Variants in UVRAG observed in about 807,000 individuals in gnomAD.
UVRAG encodes UV radiation resistance associated, also known as UV radiation resistance-associated gene protein.
In UVRAG, 19 loss-of-function variants were observed where a neutral mutation model predicts 78.0. That is an observed-to-expected ratio of 0.24 (90% CI 0.17 to 0.36). The LOEUF (loss-of-function observed/expected upper bound fraction) is 0.36. UVRAG is among the 10% of genes least tolerant of loss of function. UVRAG has a pLI of 1.00. For synonymous variants in UVRAG, 323 were observed against 324.6 expected, an observed-to-expected ratio of 1.00 and a Z score of 0.05; for missense variants, 740 against 853.8, an observed-to-expected ratio of 0.87 and a Z score of 1.66.
chr11:76,135,893 C>T (rs1252524606), intron 14 of UVRAG, among the ~76,000 whole-genome samples: 1 of 152,232 alleles, frequency 6.6e-6, no homozygotes, highest in East Asian at 1.9e-4. Flanking sequence ...AAAACACACA[C>T]ATTTTTGCTT....
intron 12 of UVRAG, among the ~76,000 whole-genome samples, chr11:76,047,172 C>A (rs1950774293): frequency 6.6e-6 from 1 of 152,158 alleles, no homozygotes; most frequent in Non-Finnish European, 1.5e-5. Flanking sequence ...ATACTGATAT[C>A]TCATAGAAGC....
intron 1 of UVRAG, among the ~76,000 whole-genome samples, chr11:75,829,137 C>T (rs1305852796): frequency 2.0e-5 from 3 of 152,056 alleles, no homozygotes; most frequent in Non-Finnish European, 4.4e-5. Flanking sequence ...AGCGGCTATT[C>T]ACAGGTAATG....
chr11:75,938,749 A>G (rs748089538), intron 6 of UVRAG, among the ~76,000 whole-genome samples: 1 of 151,986 alleles, frequency 6.6e-6, no homozygotes, highest in East Asian at 1.9e-4. Flanking sequence ...GCCTTGGATC[A>G]TTTCCTCAGA....
In UVRAG at chr11:75,986,655, A is replaced by G. The variant is rs190073055; in HGVS notation, c.826+3142A>G. 2.6e-5 allele frequency among the ~76,000 whole-genome samples: 4 copies of G among 152,292 alleles called. No homozygotes were observed. In the East Asian group the frequency reaches 7.7e-4, roughly 29 times the overall value. On this transcript the variant is annotated intron_variant, in intron 8 of 14. Transcript: ENST00000356136. ...CATACCATATAATTTTGCCATTGAAAGTGTATAATTCAGTTTTTCTTAGTT... is the reference window on the plus strand; with the variant it reads ...CATACCATATAATTTTGCCATTGAAGGTGTATAATTCAGTTTTTCTTAGTT...
chr11:75,884,281 C>G (rs531695436), intron 4 of UVRAG, among the ~76,000 whole-genome samples: 8 of 147,676 alleles, frequency 5.4e-5, no homozygotes, highest in Non-Finnish European at 1.0e-4. Context: ...ATCTTTTGCT[C>G]ATTTTTAATT....
In UVRAG at chr11:75,949,692, C is replaced by CATATAT. The variant is rs35234096; in HGVS notation, c.594-11734_594-11729dup. Among the ~76,000 whole-genome samples the CATATAT allele has an allele frequency of 1.1e-3, 148 of 140,150 alleles. 1 individual carries two copies. The Middle Eastern group carries it at 0.011, about 11-fold the overall frequency. The allele number at this position is 140,150 out of a possible 152,430, so 91.9% of individuals were successfully genotyped here. On this transcript the variant is annotated intron_variant, in intron 6 of 14. Coordinates refer to ENST00000356136, the MANE Select transcript of UVRAG (RefSeq NM_003369.4). ...AGTGTAATTTATATACAATAAAATA[C>CATATAT]ATATATATATATATATATATATACA...
rs759720164 is a variant in UVRAG, at chr11:75,858,269, CTTGT to C, written c.236-3472_236-3469del. Among the ~76,000 whole-genome samples the C allele has an allele frequency of 5.9e-5, 9 of 152,256 alleles. No individual in the cohort carries two copies. In the East Asian group the frequency reaches 1.7e-3, roughly 29 times the overall value. Reference sequence around the variant, plus strand: ...CCCTGATAACCACTGTTACTCATTTCTTGTTTGTCTTTCCTGAGATTCTTTATGC... The same window carrying C: ...CCCTGATAACCACTGTTACTCATTTCTTGTCTTTCCTGAGATTCTTTATGC... On this transcript the variant is annotated intron_variant, in intron 2 of 14. Coordinates refer to ENST00000356136, the MANE Select transcript of UVRAG (RefSeq NM_003369.4).
chr11:75,840,437 C>T (rs115650175), intron 1 of UVRAG, among the ~76,000 whole-genome samples: 1,523 of 151,998 alleles, frequency 0.01, 26 homozygotes, highest in African/African-American at 0.035. Context: ...AGTTTTGGGG[C>T]CTTTCACCAA....
chr11:76,022,494 A>T (rs1950263391), intron 12 of UVRAG, among the ~76,000 whole-genome samples: 1 of 152,042 alleles, frequency 6.6e-6, no homozygotes, highest in African/African-American at 2.4e-5. Context: ...ATTTCTTGTT[A>T]TGTCTGCCTG....
intron 1 of UVRAG, among the ~76,000 whole-genome samples, chr11:75,840,691 A>T (rs1464084978): frequency 6.6e-6 from 1 of 152,190 alleles, no homozygotes; most frequent in African/African-American, 2.4e-5. Flanking sequence ...TCAATTAGCG[A>T]CCAGAACTAT....
At chr11:75,930,273 T>C (rs1336616259) in intron 6 of UVRAG, among the ~76,000 whole-genome samples, 1 of 152,258 alleles carries the variant, frequency 6.6e-6, no homozygotes, top group Non-Finnish European at 1.5e-5. Context: ...ACAGGATACA[T>C]ACTTCAGTAG....
At chr11:76,064,897 A>G (rs1167822064) in intron 12 of UVRAG, among the ~76,000 whole-genome samples, 1 of 152,216 alleles carries the variant, frequency 6.6e-6, no homozygotes. Flanking sequence ...GACCCTAAGT[A>G]ATAATTGATC....
At chr11:76,039,034 G>A (rs61894365) in intron 12 of UVRAG, among the ~76,000 whole-genome samples, 1 of 152,178 alleles carries the variant, frequency 6.6e-6, no homozygotes, top group African/African-American at 2.4e-5. Context: ...CAGAAACCAT[G>A]AGATAGTAAA....
intron 13 of UVRAG, among the ~76,000 whole-genome samples, chr11:76,086,280 A>G (rs1000261586): frequency 5.9e-5 from 9 of 151,998 alleles, no homozygotes; most frequent in Admixed American, 1.3e-4. Context: ...AAAGCTGCTC[A>G]CTCCTGCCCT....
chr11:76,108,384 C>A (rs1952008990), intron 13 of UVRAG, among the ~76,000 whole-genome samples: 1 of 152,182 alleles, frequency 6.6e-6, no homozygotes, highest in Non-Finnish European at 1.5e-5. Flanking sequence ...AAGAACACAG[C>A]ATTTATTTCT....
chr11:75,883,378 A>G (rs1017449823), intron 4 of UVRAG, among the ~76,000 whole-genome samples: 4 of 151,582 alleles, frequency 2.6e-5, no homozygotes, highest in Non-Finnish European at 4.4e-5. Context: ...ACAAAAAAAA[A>G]AAAAGAAAAG....
At chr11:75,917,829 C>G (rs1045885164) in intron 6 of UVRAG, among the ~76,000 whole-genome samples, 8 of 152,126 alleles carry the variant, frequency 5.3e-5, no homozygotes, top group Non-Finnish European at 2.9e-5. Context: ...CATATTGATT[C>G]TTTGGCAAGA....
At chr11:75,957,220 C>G (rs1012941096) in intron 6 of UVRAG, among the ~76,000 whole-genome samples, 5 of 151,954 alleles carry the variant, frequency 3.3e-5, no homozygotes, top group Admixed American at 2.0e-4. Flanking sequence ...CTGTGATCCT[C>G]TTTAAATTAA....
chr11:76,120,547 C>T (rs1200617462), intron 14 of UVRAG, among the ~76,000 whole-genome samples: 1 of 152,192 alleles, frequency 6.6e-6, no homozygotes, highest in Non-Finnish European at 1.5e-5. Context: ...TGTCCTGGCA[C>T]TGTTGCAGCA....
Sources: allele counts gnomAD v4.1 joint callset (sites outside exome capture counted in the v4.1 genomes callset), GRCh38; gene constraint gnomAD v4.1.1; transcripts MANE v1.5; gene names NCBI Gene and HGNC (gene_info 2026-07-23, HGNC 2026-07-21).